The following BAZ1A variants were observed in gnomAD, a reference collection of about 807,000 sequenced individuals.
BAZ1A encodes the protein bromodomain adjacent to zinc finger domain protein 1A.
In BAZ1A, 50 loss-of-function variants were observed where a neutral mutation model predicts 185.2. The ratio of observed to expected loss-of-function variants is 0.27; its 90% confidence interval spans 0.22 to 0.34. The LOEUF is 0.34. Ranked by LOEUF, BAZ1A falls within the 10% of genes least tolerant of loss-of-function variation. The pLI, the probability that BAZ1A is intolerant of heterozygous loss-of-function variation, is 1.00. For synonymous variants in BAZ1A, 571 were observed against 615.6 expected (o/e 0.93, Z 1.07); for missense variants, 1,356 against 1,839.9 (o/e 0.74, Z 4.81).
intron 3 of BAZ1A, among the ~76,000 whole-genome samples, chr14:34,835,077 C>T (rs183362365): frequency 2.1e-4 from 31 of 148,974 alleles, no homozygotes; most frequent in Admixed American, 3.3e-4. Flanking sequence ...TTCCTTTTTT[C>T]CTGAGATGGA....
At chr14:34,780,041 T>C in intron 17 of BAZ1A, 145 bp downstream of exon 17, 1 of 1,001,070 alleles carries the variant, frequency 1.0e-6, no homozygotes, top group Non-Finnish European at 1.5e-6. Context: ...TCATCACAGC[T>C]ATGAGGTGGG....
rs1193186828 is a variant in BAZ1A, at chr14:34,752,809, A to G, written c.*699T>C. ...CTTATAATACAGTTCTGTAAAGCTG[A>G]AAGAACTGTCAGGAAAAAGGGAGGG... On this transcript the variant is annotated 3_prime_UTR_variant, in exon 27 of 27. Transcript: ENST00000360310. 1 of 152,240 alleles carries G rather than the reference A, an allele frequency of 6.6e-6. No individual in the cohort carries two copies. The highest frequency in any genetic ancestry group is 1.5e-5 in the Non-Finnish European group (1 of 68,048). 9.4% of individuals were successfully genotyped at this position (152,240 alleles called of 1,614,324 possible).
intron 2 of BAZ1A, 96 bp from the exon 3 acceptor site, chr14:34,862,418 C>A: frequency 2.1e-6 from 3 of 1,398,900 alleles, no homozygotes; most frequent in Non-Finnish European, 2.8e-6. Flanking sequence ...TATTTTTGTG[C>A]CTTTAATGCA....
At chr14:34,844,198 T>C (rs1293627767) in intron 3 of BAZ1A, among the ~76,000 whole-genome samples, 2 of 115,106 alleles carry the variant, frequency 1.7e-5, no homozygotes, top group Admixed American at 1.0e-4. Flanking sequence ...AGAGCGAGAC[T>C]CCGTCTCAAA....
chr14:34,805,373 T>C (rs1026439110), intron 6 of BAZ1A, among the ~76,000 whole-genome samples: 6 of 152,250 alleles, frequency 3.9e-5, no homozygotes, highest in South Asian at 2.1e-4. Context: ...TCCATGTTCA[T>C]TGACTTTTTC....
rs1005978653 is a variant in BAZ1A, at chr14:34,773,553, T to C, written c.3152+19A>G. 1 of 1,559,062 alleles carries C rather than the reference T, an allele frequency of 6.4e-7. No homozygotes were observed. On this transcript the variant is annotated intron_variant, in intron 20 of 26. Coordinates refer to ENST00000360310, the MANE Select transcript of BAZ1A (RefSeq NM_013448.3). ...TGGCAAGGAAAAGTAATGGTTACTT[T>C]AGAAAAATCTTTTTGTACCTGTCTT...
intron 6 of BAZ1A, among the ~76,000 whole-genome samples, chr14:34,807,132 T>C (rs963331652): frequency 6.7e-6 from 1 of 149,802 alleles, no homozygotes; most frequent in Non-Finnish European, 1.5e-5. Flanking sequence ...GTCTATTCTT[T>C]GTAAGCGAGA....
Position 34,825,447 on chromosome 14 carries a change from CAAAAAAAAAAA to C in BAZ1A, c.536+555_536+565del, listed in dbSNP as rs35449855. ...GGGCAACAAGATGGAAACTCTGTCT[CAAAAAAAAAAA>C]AAAAAAAAAAAAAAAAAAGAGGGTG... On this transcript the variant is annotated intron_variant, in intron 4 of 26. Coordinates refer to ENST00000360310, the MANE Select transcript of BAZ1A (RefSeq NM_013448.3). 2.4e-3 allele frequency among the ~76,000 whole-genome samples: 132 copies of C among 55,426 alleles called. 2 individuals carry two copies. In the South Asian group the frequency reaches 0.047, roughly 20 times the overall value. 36.4% of individuals were successfully genotyped at this position (55,426 alleles called of 152,430 possible).
chr14:34,807,937 C>T (rs983891778), intron 5 of BAZ1A, among the ~76,000 whole-genome samples: 1 of 151,806 alleles, frequency 6.6e-6, no homozygotes, highest in African/African-American at 2.4e-5. Flanking sequence ...AACCCTGTCT[C>T]TACTAAAAAT....
At chr14:34,767,548 T>C (rs1306843678) in intron 21 of BAZ1A, among the ~76,000 whole-genome samples, 1 of 152,090 alleles carries the variant, frequency 6.6e-6, no homozygotes, top group Non-Finnish European at 1.5e-5. Context: ...TCTCAAAATA[T>C]ATATATATGT....
rs149023789 is a variant in BAZ1A at position 34,831,254 on chromosome 14, G to C, written c.393-5098C>G. ...AAATGGCTATTAATAGAGCTGCCAT[G>C]TTCTCCCAAAATAATGGCCAGATTT... On this transcript the variant is annotated intron_variant, in intron 3 of 26. Coordinates refer to ENST00000360310, the MANE Select transcript of BAZ1A (RefSeq NM_013448.3). Among the ~76,000 whole-genome samples the C allele has an allele frequency of 6.9e-3, 1,044 of 152,230 alleles. 13 individuals are homozygous for C. Among genetic ancestry groups the C allele is most frequent in the African/African-American group, 0.024 (1,003 of 41,536 alleles).
At chr14:34,788,248 C>T (rs1379752270) in intron 12 of BAZ1A, among the ~76,000 whole-genome samples, 1 of 152,130 alleles carries the variant, frequency 6.6e-6, no homozygotes, top group Non-Finnish European at 1.5e-5. Context: ...GTGATCCACC[C>T]ACCTCGGCCT....
chr14:34,835,049 C>T lies in BAZ1A; in HGVS notation c.393-8893G>A, dbSNP rs866467422. On this transcript the variant is annotated intron_variant, in intron 3 of 26. Transcript: ENST00000360310. Reference sequence around the variant, plus strand: ...ATACATTTTCTAGAAGATGAAATTCCGGCTCAGATTTTTTTTTTTCCTTTT... The same window carrying T: ...ATACATTTTCTAGAAGATGAAATTCTGGCTCAGATTTTTTTTTTTCCTTTT... 4.7e-5 allele frequency among the ~76,000 whole-genome samples: 7 copies of T among 150,348 alleles called. No homozygotes were observed. The South Asian group carries it at 8.3e-4, about 18-fold the overall frequency.
At chr14:34,872,376 C>T (rs951527861) in intron 2 of BAZ1A, among the ~76,000 whole-genome samples, 5 of 152,150 alleles carry the variant, frequency 3.3e-5, no homozygotes, top group Admixed American at 2.6e-4. Context: ...GCAGGCAGAT[C>T]ACTTGAACTC....
At chr14:34,864,954 T>A (rs2042833358) in intron 2 of BAZ1A, among the ~76,000 whole-genome samples, 1 of 151,598 alleles carries the variant, frequency 6.6e-6, no homozygotes, top group Admixed American at 6.6e-5. Context: ...TTTTTTGCAT[T>A]TTCAGTAGAG....
At chr14:34,868,317 T>C (rs1422210368) in intron 2 of BAZ1A, among the ~76,000 whole-genome samples, 5 of 152,196 alleles carry the variant, frequency 3.3e-5, no homozygotes, top group Non-Finnish European at 7.3e-5. Flanking sequence ...ACCCCTCCTC[T>C]TTACCATTAT....
rs980829034 is a variant in BAZ1A at position 34,780,212 on chromosome 14, G to A, written c.2210C>T (p.Pro737Leu). ...QDMVTEDEDD[P>L]GSHKRGRRGK... ...CCTTCTGCCTCTTTTATGTGATCCTGGGTCATCTTCATCTTCAGTGACCAT... is the reference window on the plus strand; with the variant it reads ...CCTTCTGCCTCTTTTATGTGATCCTAGGTCATCTTCATCTTCAGTGACCAT... The change falls in exon 17 of 27, where the codon CCA becomes CTA. Residue 737 changes from proline (P) to leucine (L), a missense_variant. Transcript: ENST00000360310. 2 of 1,613,352 alleles carry A rather than the reference G, an allele frequency of 1.2e-6. No homozygotes were observed. The highest frequency in any genetic ancestry group is 2.7e-5 in the African/African-American group (2 of 74,864).
At chr14:34,835,161 A>T (rs768091462) in intron 3 of BAZ1A, among the ~76,000 whole-genome samples, 1 of 151,848 alleles carries the variant, frequency 6.6e-6, no homozygotes, top group Non-Finnish European at 1.5e-5. Flanking sequence ...TCCTGGGTTC[A>T]AGGAATTATC....
At position 34,803,003 on chromosome 14, in the gene BAZ1A, G is replaced by C; in HGVS notation, c.727-15C>G. 6.3e-7 allele frequency: 1 copy of C among 1,599,038 alleles called. No individual in the cohort carries two copies. The highest frequency in any genetic ancestry group is 1.1e-5 in the South Asian group (1 of 90,688). ...AGAGATGATGCCTTAATAAAACAAA[G>C]ACATAGGGTACAATAATAACACATT... On this transcript the variant is annotated splice_polypyrimidine_tract_variant and intron_variant, in intron 6 of 26. Coordinates refer to ENST00000360310, the MANE Select transcript of BAZ1A (RefSeq NM_013448.3).
Sources: gnomAD v4.1 joint callset for allele counts (sites outside exome capture counted in the v4.1 genomes callset) on GRCh38, gnomAD v4.1.1 for gene constraint, MANE v1.5 for transcripts, NCBI Gene and HGNC (gene_info 2026-07-23, HGNC 2026-07-21) for gene names.